Variants in CDH8 observed in about 807,000 individuals in gnomAD.
CDH8 encodes the protein cadherin-8.
CDH8 carries 17 observed loss-of-function variants against 68.1 expected under a neutral mutation model. That is an observed-to-expected ratio of 0.25 (90% CI 0.17 to 0.37). The LOEUF (loss-of-function observed/expected upper bound fraction) is 0.37. Ranked by LOEUF, CDH8 falls within the 10% of genes least tolerant of loss-of-function variation. The probability of loss-of-function intolerance (pLI) is 1.00; values close to 1 mark genes in which losing one functional copy is unlikely to be tolerated. For synonymous variants in CDH8, 372 were observed against 365.1 expected, an observed-to-expected ratio of 1.02 and a Z score of -0.21; for missense variants, 763 against 999.3, an observed-to-expected ratio of 0.76 and a Z score of 3.19.
chr16:61,992,050 T>TTG (rs11271459), intron 2 of CDH8, among the ~76,000 whole-genome samples: 10,711 of 144,370 alleles, frequency 0.074, 654 homozygotes, highest in African/African-American at 0.16. Flanking sequence ...TGCTAAATCT[T>TTG]TGTGTGTGTG....
At chr16:61,898,555 A>AT (rs1963909813) in intron 3 of CDH8, among the ~76,000 whole-genome samples, 1 of 152,174 alleles carries the variant, frequency 6.6e-6, no homozygotes, top group African/African-American at 2.4e-5. Flanking sequence ...TGTAAGGGAT[A>AT]TTTTTTCCTC....
chr16:61,927,772 C>T (rs2143448219), intron 2 of CDH8, among the ~76,000 whole-genome samples: 1 of 152,246 alleles, frequency 6.6e-6, no homozygotes, highest in Non-Finnish European at 1.5e-5. Flanking sequence ...CATGAGGGGC[C>T]CAGTGGCCAA....
chr16:61,689,394 G>A (rs1181473494), intron 10 of CDH8, among the ~76,000 whole-genome samples: 2 of 151,880 alleles, frequency 1.3e-5, no homozygotes, highest in Non-Finnish European at 2.9e-5. Flanking sequence ...CCCATAAGAG[G>A]CACTCAATTA....
At chr16:61,990,581 T>A (rs1361221796) in intron 2 of CDH8, among the ~76,000 whole-genome samples, 2 of 152,136 alleles carry the variant, frequency 1.3e-5, no homozygotes, top group East Asian at 3.9e-4. Context: ...GGAGACTGAG[T>A]TGGGAGGATC....
At chr16:61,917,415 C>T (rs1380024270) in intron 2 of CDH8, among the ~76,000 whole-genome samples, 1 of 152,128 alleles carries the variant, frequency 6.6e-6, no homozygotes, top group African/African-American at 2.4e-5. Context: ...CTCCTACAAA[C>T]AAGATGCCCT....
At chr16:61,732,231 A>C (rs1959557892) in intron 8 of CDH8, among the ~76,000 whole-genome samples, 1 of 151,818 alleles carries the variant, frequency 6.6e-6, no homozygotes, top group Non-Finnish European at 1.5e-5. Context: ...AAATTTATTG[A>C]GAAACACTAG....
rs1963298112 is a variant in CDH8, at chr16:61,650,621, T to C, written c.*2987A>G. 6.6e-6 allele frequency: 1 copy of C among 151,938 alleles called. No individual in the cohort carries two copies. The highest frequency in any genetic ancestry group is 6.6e-5 in the Admixed American group (1 of 15,204). 9.4% of individuals were successfully genotyped at this position (151,938 alleles called of 1,614,324 possible). A position where few individuals can be genotyped will look rare whatever the true frequency, so the allele number is the denominator to read the frequency against. ...TTGGTTGGGAAAGTCCTGGCAAGTCTATTGCTAAAGTAAAACTTCAAGTCA... is the reference window on the plus strand; with the variant it reads ...TTGGTTGGGAAAGTCCTGGCAAGTCCATTGCTAAAGTAAAACTTCAAGTCA... On this transcript the variant is annotated 3_prime_UTR_variant, in exon 12 of 12. Transcript: ENST00000577390.
intron 8 of CDH8, among the ~76,000 whole-genome samples, chr16:61,731,868 A>T (rs1248310833): frequency 6.6e-6 from 1 of 151,880 alleles, no homozygotes; most frequent in African/African-American, 2.4e-5. Flanking sequence ...TTAAATATGT[A>T]AATGAAGATG....
intron 2 of CDH8, among the ~76,000 whole-genome samples, chr16:61,952,522 G>A (rs1288407055): frequency 2.6e-5 from 4 of 152,178 alleles, no homozygotes; most frequent in African/African-American, 9.6e-5. Flanking sequence ...GAGTTAGCAG[G>A]CTGGTTGCTG....
rs117614104 is a variant in CDH8, at chr16:61,798,044, A to G, written c.1278-8562T>C. ...GGAACAAAAAAAAAGAAAATGCTCC[A>G]GAGTAAATCCCACATTCAGTTTGAC... On this transcript the variant is annotated intron_variant, in intron 7 of 11. Coordinates refer to ENST00000577390, the MANE Select transcript of CDH8 (RefSeq NM_001796.5). Among the ~76,000 whole-genome samples the G allele has an allele frequency of 8.4e-3, 1,286 of 152,302 alleles. 38 individuals are homozygous for G. Among genetic ancestry groups the G allele is most frequent in the Admixed American group, 0.058 (886 of 15,290 alleles).
At chr16:62,004,122 A>G (rs897817362) in intron 2 of CDH8, among the ~76,000 whole-genome samples, 1 of 152,232 alleles carries the variant, frequency 6.6e-6, no homozygotes, top group African/African-American at 2.4e-5. Flanking sequence ...AAAAGCTTTA[A>G]TGACAAAAAT....
intron 10 of CDH8, among the ~76,000 whole-genome samples, chr16:61,674,411 G>A (rs1010084346): frequency 6.7e-6 from 1 of 148,936 alleles, no homozygotes; most frequent in African/African-American, 2.5e-5. Context: ...CCGAGATCGT[G>A]CCACTGCACT....
chr16:61,983,110 A>G (rs897507399), intron 2 of CDH8, among the ~76,000 whole-genome samples: 8 of 152,206 alleles, frequency 5.3e-5, no homozygotes, highest in African/African-American at 1.9e-4. Context: ...GATACTGTAT[A>G]TATACATACT....
chr16:61,711,732 G>A (rs569079431), intron 10 of CDH8: 31 of 151,758 alleles, frequency 2.0e-4, no homozygotes, highest in African/African-American at 7.2e-4. Flanking sequence ...TGAAGGAGAT[G>A]TTGAAGATTT....
intron 7 of CDH8, among the ~76,000 whole-genome samples, chr16:61,790,428 G>T (rs1347202792): frequency 6.6e-6 from 1 of 152,020 alleles, no homozygotes; most frequent in Non-Finnish European, 1.5e-5. Context: ...CCGTAAGTAA[G>T]CAGTGATGCA....
Position 61,742,016 on chromosome 16 carries a change from T to C in CDH8, c.1415-14801A>G, listed in dbSNP as rs554995135. ...GCAAACTTTGTATCTTTAATTTTTA[T>C]CTTTTGTGTGTTTAATCTGTATCTT... On this transcript the variant is annotated intron_variant, in intron 8 of 11. Transcript: ENST00000577390. Among the ~76,000 whole-genome samples, 19 of 152,286 alleles carry C rather than the reference T, an allele frequency of 1.2e-4. No individual in the cohort carries two copies. In the East Asian group the frequency reaches 2.9e-3, roughly 23 times the overall value.
chr16:61,753,986 A>C (rs113640741), intron 8 of CDH8, among the ~76,000 whole-genome samples: 2,334 of 152,276 alleles, frequency 0.015, 62 homozygotes, highest in African/African-American at 0.053. Flanking sequence ...AAATGAAGAA[A>C]CTACATATGC....
intron 2 of CDH8, among the ~76,000 whole-genome samples, chr16:61,996,146 A>G (rs1965801551): frequency 6.6e-6 from 1 of 152,202 alleles, no homozygotes; most frequent in African/African-American, 2.4e-5. Flanking sequence ...TGCCTCTTCT[A>G]TTTCGTAGCT....
At chr16:61,668,943 TTTTAAAGCACTAG>T (rs1036292548) in intron 10 of CDH8, among the ~76,000 whole-genome samples, 26 of 152,180 alleles carry the variant, frequency 1.7e-4, no homozygotes, top group African/African-American at 5.5e-4. Context: ...AGTAAAATTG[TTTTAAAGCACTAG>T]TTTAAGTGAA....
Sources: allele counts gnomAD v4.1 joint callset (sites outside exome capture counted in the v4.1 genomes callset), GRCh38; gene constraint gnomAD v4.1.1; transcripts MANE v1.5; gene names NCBI Gene and HGNC (gene_info 2026-07-23, HGNC 2026-07-21).